The following CUL7 variants were observed in gnomAD, a reference collection of about 807,000 sequenced individuals.
CUL7 encodes cullin-7.
In CUL7, 96 loss-of-function variants were observed where a neutral mutation model predicts 177.7. That is an observed-to-expected ratio of 0.54 (90% CI 0.46 to 0.64). The LOEUF (loss-of-function observed/expected upper bound fraction) is 0.64, where lower values mean the gene tolerates loss of function less well. Among genes scored for constraint, CUL7 ranks in the 30% least tolerant of loss-of-function variants. The probability of loss-of-function intolerance (pLI) is 0.00; values close to 1 mark genes in which losing one functional copy is unlikely to be tolerated. For synonymous variants in CUL7, 824 were observed against 890.2 expected (o/e 0.93, Z 1.32); for missense variants, 1,893 against 2,187.9 (o/e 0.87, Z 2.69).
rs767958608 is a variant in CUL7 at position 43,052,810 on chromosome 6, G to A, written c.-8-14C>T. The stretch of plus-strand genomic sequence containing the variant: ...CCATCCTGGCACCTGGAGCACACAA[G>A]GAAAAGAGAACAGACAAGCTAGAGG... On this transcript the variant is annotated splice_polypyrimidine_tract_variant and intron_variant, in intron 1 of 25. Coordinates refer to ENST00000265348, the MANE Select transcript of CUL7 (RefSeq NM_014780.5). The surrounding 1 kb of genome is among the most constrained non-coding windows in gnomAD (Gnocchi z 4.5). 1.3e-6 allele frequency: 2 copies of A among 1,599,734 alleles called. No individual in the cohort carries two copies. The highest frequency in any genetic ancestry group is 1.7e-6 in the Non-Finnish European group (2 of 1,179,242).
At chr6:43,042,366 G>A (rs1375764314) in intron 19 of CUL7, among the ~76,000 whole-genome samples, 1 of 151,518 alleles carries the variant, frequency 6.6e-6, no homozygotes, top group Non-Finnish European at 1.5e-5. Context: ...GATGAGTCTA[G>A]CTCTGTCACG....
rs1186654556 is a variant in CUL7, at chr6:43,038,298, T to A, written c.4742A>T (p.Glu1581Val). The A allele has an allele frequency of 6.2e-7, 1 of 1,614,110 alleles. No homozygotes were observed. The highest frequency in any genetic ancestry group is 8.5e-7 in the Non-Finnish European group (1 of 1,180,016). The change falls in exon 25 of 26, where the codon GAG (glutamate) becomes GTG (valine). Residue 1581 changes from glutamate (E) to valine (V), a missense_variant. Physicochemically the swap from Glu to Val is moderately radical, Grantham distance 121 (BLOSUM62 -2). Transcript: ENST00000265348. Reference sequence around the variant, plus strand: ...GACAAGCTGGTCAATGTGCAGCCCCTCATCTCCATGGGCCTTGAGGATTCG... The same window carrying A: ...GACAAGCTGGTCAATGTGCAGCCCCACATCTCCATGGGCCTTGAGGATTCG... ...IVRILKAHGD[E>V]GLHIDQLVCL...
rs1480570196 is a variant in CUL7 at position 43,051,573 on chromosome 6, G to A, written c.732+39C>T. ...TGCAAAGGCCTGGACCCTAGATCTT[G>A]TTCACAAGTTCCCCCCACCTTACAC... On this transcript the variant is annotated intron_variant, in intron 3 of 25. Transcript: ENST00000265348. The surrounding 1 kb of genome is among the most constrained non-coding windows in gnomAD (Gnocchi z 5.0). The A allele has an allele frequency of 6.2e-7, 1 of 1,614,092 alleles. No homozygotes were observed. The highest frequency in any genetic ancestry group is 2.2e-5 in the East Asian group (1 of 44,880).
Position 43,050,954 on chromosome 6 carries a change from C to T in CUL7, c.1233+14G>A, listed in dbSNP as rs1378992879. 2.5e-6 allele frequency: 4 copies of T among 1,613,652 alleles called. No homozygotes were observed. The African/African-American group carries it at 4.0e-5, about 16-fold the overall frequency. On this transcript the variant is annotated intron_variant, in intron 4 of 25. Coordinates refer to ENST00000265348, the MANE Select transcript of CUL7 (RefSeq NM_014780.5). The surrounding 1 kb of genome is among the most constrained non-coding windows in gnomAD (Gnocchi z 4.1). ...TAGACCCCCAACAGTATCCCACCAC[C>T]ATGTGCCACTCACCTGCACAGGAGG...
In CUL7 at chr6:43,040,227, A is replaced by C. The variant is rs1278129108; in HGVS notation, c.4223T>G (p.Leu1408Arg). The change falls in exon 22 of 26, where the codon CTG becomes CGG. Residue 1408 changes from leucine to arginine, a missense_variant. By Grantham distance (102) the Leu-to-Arg change is moderately radical. This residue lies in a region of CUL7 where 973 missense variants were observed against 1,140.9 expected (regional missense o/e 0.85). Transcript: ENST00000265348. The surrounding 1 kb of genome is among the most constrained non-coding windows in gnomAD (Gnocchi z 4.2). ...SWPVASICHT[L>R]NPRTCLPSYL... ...GGAGGGCAGGCAGGTTCTGGGGTTC[A>C]GTGTGTGGCAGATTGAGGCAACAGG... 1 of 1,614,176 alleles carries C rather than the reference A, an allele frequency of 6.2e-7. No individual in the cohort carries two copies. The highest frequency in any genetic ancestry group is 2.2e-5 in the East Asian group (1 of 44,878).
chr6:43,046,975 G>A lies in CUL7; in HGVS notation c.2302C>T (p.Leu768=). The change falls in exon 10 of 26, where the codon CTG becomes TTG. Residue 768 remains leucine, a synonymous_variant. Transcript: ENST00000265348. ...ALEKHLGKLE[L]AQELRDMVFK... ...ACCATGTCCCGCAGCTCCTGAGCCA[G>A]CTCCAGCTTTCCCAGGTGCTTTTCC... is the stretch of plus-strand genomic sequence containing the variant. The A allele has an allele frequency of 6.2e-7, 1 of 1,613,466 alleles. No homozygotes were observed. The highest frequency in any genetic ancestry group is 8.5e-7 in the Non-Finnish European group (1 of 1,179,362).
chr6:43,039,601 C>T (rs1192695525), intron 22 of CUL7, among the ~76,000 whole-genome samples: 1 of 152,200 alleles, frequency 6.6e-6, no homozygotes, highest in Non-Finnish European at 1.5e-5. Context: ...CTGCCACCCC[C>T]AGCCACCAAG....
In CUL7 at chr6:43,038,995, AG is replaced by A. The variant is rs769592182; in HGVS notation, c.4295-9del. The A allele has an allele frequency of 2.1e-5, 33 of 1,592,110 alleles. No individual in the cohort carries two copies. The highest frequency in any genetic ancestry group is 2.8e-5 in the Non-Finnish European group (32 of 1,160,110). On this transcript the variant is annotated splice_polypyrimidine_tract_variant and intron_variant, in intron 22 of 25. Coordinates refer to ENST00000265348, the MANE Select transcript of CUL7 (RefSeq NM_014780.5). The stretch of plus-strand genomic sequence containing the variant: ...GGGCAGGGTGGCTCTGACCTGGACC[AG>A]GAAGGGGGAGGGAGACAAAGAGCAG...
chr6:43,049,789 C>T, intron 6 of CUL7, 127 bp from the exon 7 acceptor site: 1 of 1,430,614 alleles, frequency 7.0e-7, no homozygotes, highest in Non-Finnish European at 9.7e-7. Flanking sequence ...CAGCTGGCAG[C>T]TGGCTCCTCC....
chr6:43,041,957 T>A (rs1410704787), intron 19 of CUL7, among the ~76,000 whole-genome samples: 60 of 131,432 alleles, frequency 4.6e-4, no homozygotes, highest in African/African-American at 1.7e-3. Flanking sequence ...TGAGCTGAGA[T>A]CGAGCCACTG....
Position 43,053,609 on chromosome 6 carries a change from G to C in CUL7, c.-9+13C>G. The C allele has an allele frequency of 7.4e-7, 1 of 1,346,860 alleles. No homozygotes were observed. Among genetic ancestry groups the C allele is most frequent in the Non-Finnish European group, 9.5e-7 (1 of 1,051,536 alleles). 83.4% of individuals were successfully genotyped at this position (1,346,860 alleles called of 1,614,324 possible). A position where few individuals can be genotyped will look rare whatever the true frequency, so the allele number is the denominator to read the frequency against. Reference sequence around the variant, plus strand: ...GAAGGAGAAGCAAGGGGCCGCGGTGGGGCTCTGGCCACCTCAGAAGTCCAC... The same window carrying C: ...GAAGGAGAAGCAAGGGGCCGCGGTGCGGCTCTGGCCACCTCAGAAGTCCAC... On this transcript the variant is annotated intron_variant, in intron 1 of 25. Coordinates refer to ENST00000265348, the MANE Select transcript of CUL7 (RefSeq NM_014780.5). The surrounding 1 kb of genome is among the most constrained non-coding windows in gnomAD (Gnocchi z 4.1).
Position 43,043,053 on chromosome 6 carries a change from C to T in CUL7, c.3462+21G>A, listed in dbSNP as rs1341791130. On this transcript the variant is annotated intron_variant, in intron 18 of 25. Transcript: ENST00000265348. The surrounding 1 kb of genome is among the most constrained non-coding windows in gnomAD (Gnocchi z 4.2). The stretch of plus-strand genomic sequence containing the variant: ...CACCATTATGGTGTCCCCTCTCTCC[C>T]GCAGGCCTGCTCCTGCCCACCTGCT... 1.5e-5 allele frequency: 25 copies of T among 1,613,262 alleles called. No individual in the cohort carries two copies. Among genetic ancestry groups the T allele is most frequent in the Non-Finnish European group, 2.0e-5 (23 of 1,179,268 alleles).
chr6:43,048,544 G>C lies in CUL7; in HGVS notation c.1851C>G (p.Pro617=). 6.2e-7 allele frequency: 1 copy of C among 1,614,086 alleles called. No individual in the cohort carries two copies. Among genetic ancestry groups the C allele is most frequent in the Non-Finnish European group, 8.5e-7 (1 of 1,179,974 alleles). The change falls in exon 8 of 26, where the codon CCC becomes CCG. Residue 617 remains proline, a synonymous_variant. Coordinates refer to ENST00000265348, the MANE Select transcript of CUL7 (RefSeq NM_014780.5). ...VEAKEPPSQS[P]NTPLQRLVEG... Reference sequence around the variant, plus strand: ...CCACCAGACGCTGCAGGGGAGTGTTGGGACTCTGAGATGGGGGTTCTTTTG... The same window carrying C: ...CCACCAGACGCTGCAGGGGAGTGTTCGGACTCTGAGATGGGGGTTCTTTTG...
Position 43,045,349 on chromosome 6 carries a change from C to G in CUL7, c.2916G>C (p.Thr972=). 3 of 1,614,236 alleles carry G rather than the reference C, an allele frequency of 1.9e-6. No individual in the cohort carries two copies. The highest frequency in any genetic ancestry group is 2.5e-6 in the Non-Finnish European group (3 of 1,180,042). The part of the protein sequence containing the change: ...RGLEILGPKP[T]FWPVFREQLC... ...GCTGCTCCCGGAACACTGGCCAGAA[C>G]GTGGGCTTGGGGCCTAGGATCTCTA... is the stretch of plus-strand genomic sequence containing the variant. Residue 972 remains threonine (T), a synonymous_variant, in exon 15 of 26, where the codon ACG becomes ACC. Coordinates refer to ENST00000265348, the MANE Select transcript of CUL7 (RefSeq NM_014780.5). This position sits in a 1 kb window ranked among gnomAD's most constrained non-coding sequence, Gnocchi z 4.8.
chr6:43,040,938 G>A lies in CUL7; in HGVS notation c.3783C>T (p.Ala1261=). The A allele has an allele frequency of 6.2e-7, 1 of 1,613,278 alleles. No homozygotes were observed. Among genetic ancestry groups the A allele is most frequent in the Non-Finnish European group, 8.5e-7 (1 of 1,179,648 alleles). ...AVLIFSGLEI[A]TTFEHYYQHY... ...ACTGGTAATAATGCTCAAAAGTGGT[G>A]GCTATCTCCAAGCCGGAGAAAATCA... Residue 1261 remains alanine (A), a synonymous_variant, in exon 20 of 26, where the codon GCC becomes GCT. Coordinates refer to ENST00000265348, the MANE Select transcript of CUL7 (RefSeq NM_014780.5). This position sits in a 1 kb window ranked among gnomAD's most constrained non-coding sequence, Gnocchi z 4.2.
At position 43,040,795 on chromosome 6, in the gene CUL7, G is replaced by A. The variant is rs748924703; in HGVS notation, c.3807-49C>T. ...AAGCCTCAGTGTGGGCACCAGTGTG[G>A]CCCAGCCTCCCACTCCAAGGCTCCA... On this transcript the variant is annotated intron_variant, in intron 20 of 25. Coordinates refer to ENST00000265348, the MANE Select transcript of CUL7 (RefSeq NM_014780.5). The surrounding 1 kb of genome is among the most constrained non-coding windows in gnomAD (Gnocchi z 4.2). 1.2e-6 allele frequency: 2 copies of A among 1,604,682 alleles called. No individual in the cohort carries two copies. Among genetic ancestry groups the A allele is most frequent in the Non-Finnish European group, 1.7e-6 (2 of 1,171,772 alleles).
chr6:43,046,013 A>G lies in CUL7; in HGVS notation c.2739T>C (p.Thr913=). The change falls in exon 13 of 26, where the codon ACT becomes ACC. Residue 913 remains threonine (T), a synonymous_variant. Coordinates refer to ENST00000265348, the MANE Select transcript of CUL7 (RefSeq NM_014780.5). The part of the protein sequence containing the change: ...ARVVVCGGDS[T]SSLHTELNSV... ...AGTTGAGTTCCGTGTGAAGAGAGCT[A>G]GTGCTATCACCCCCGCACACCACCA... The G allele has an allele frequency of 6.2e-7, 1 of 1,613,976 alleles. No individual in the cohort carries two copies. The highest frequency in any genetic ancestry group is 8.5e-7 in the Non-Finnish European group (1 of 1,179,862).
Position 43,051,375 on chromosome 6 carries a change from C to A in CUL7, c.826G>T (p.Ala276Ser). The change falls in exon 4 of 26, where the codon GCC becomes TCC. Residue 276 changes from alanine to serine, a missense_variant. Coordinates refer to ENST00000265348, the MANE Select transcript of CUL7 (RefSeq NM_014780.5). The surrounding 1 kb of genome is among the most constrained non-coding windows in gnomAD (Gnocchi z 5.0). ...TCCTCAGGAGCAGAGGTGTTCTGGG[C>A]TCCTGGCTCCGCAGCACTGTCGTTC... ...QLNDSAAEPG[A>S]QNTSAPEELS... The A allele has an allele frequency of 6.2e-7, 1 of 1,614,008 alleles. No individual in the cohort carries two copies. The highest frequency in any genetic ancestry group is 8.5e-7 in the Non-Finnish European group (1 of 1,179,932).
At chr6:43,039,024 G>T in intron 22 of CUL7, 37 bp from the exon 23 acceptor site, 1 of 1,467,906 alleles carries the variant, frequency 6.8e-7, no homozygotes, top group South Asian at 1.1e-5. Flanking sequence ...AAGAGCAGGT[G>T]AAAGGAGGGA....
Sources: gnomAD v4.1 joint callset for allele counts (sites outside exome capture counted in the v4.1 genomes callset) on GRCh38, gnomAD v4.1.1 for gene constraint, gnomAD v4.1.1 regional missense constraint, Gnocchi (gnomAD v3.1) non-coding constraint, MANE v1.5 for transcripts, NCBI Gene and HGNC (gene_info 2026-07-23, HGNC 2026-07-21) for gene names.